Variants in POM121C observed in about 807,000 individuals in gnomAD.
POM121C encodes the protein nuclear envelope pore membrane protein POM 121C.
Under a neutral mutation model 66.4 loss-of-function variants are expected in POM121C, and 20 were observed. The ratio of observed to expected loss-of-function variants is 0.30; its 90% CI spans 0.21 to 0.44. The LOEUF (loss-of-function observed/expected upper bound fraction) is 0.44, where lower values mean the gene tolerates loss of function less well. POM121C is among the 20% of genes least tolerant of loss of function. The probability of loss-of-function intolerance (pLI) is 1.00; values close to 1 mark genes in which losing one functional copy is unlikely to be tolerated. For synonymous variants in POM121C, 286 were observed against 528.0 expected (o/e 0.54, Z 6.28); for missense variants, 580 against 1,225.7 (o/e 0.47, Z 7.87).
Position 75,416,801 on chromosome 7 carries a change from T to A in POM121C, c.*1995A>T. 1.3e-6 allele frequency: 2 copies of A among 1,504,866 alleles called. No individual in the cohort carries two copies. The highest frequency in any genetic ancestry group is 1.8e-6 in the Non-Finnish European group (2 of 1,126,388). The allele number at this position is 1,504,866 out of a possible 1,614,324, so 93.2% of individuals were successfully genotyped here. A position where few individuals can be genotyped will look rare whatever the true frequency, so the allele number is the denominator to read the frequency against. Reference sequence around the variant, plus strand: ...GAACGTACTCTACGATAGATCACAGTTTTTTATTCTTAATGTCACAAGCAG... The same window carrying A: ...GAACGTACTCTACGATAGATCACAGATTTTTATTCTTAATGTCACAAGCAG... On this transcript the variant is annotated 3_prime_UTR_variant, in exon 15 of 15. Transcript: ENST00000615331.
chr7:75,424,641 A>G lies in POM121C; in HGVS notation c.769-13T>C. On this transcript the variant is annotated splice_polypyrimidine_tract_variant and intron_variant, in intron 10 of 14. Coordinates refer to ENST00000615331, the MANE Select transcript of POM121C (RefSeq NM_001099415.3). ...GGGGAGGTGGAGGCTACCAAAGAGA[A>G]AAAGAAGAAGTCAGGCCAATCAGAA... 1.9e-6 allele frequency: 3 copies of G among 1,613,708 alleles called. No homozygotes were observed. Among genetic ancestry groups the G allele is most frequent in the Non-Finnish European group, 2.5e-6 (3 of 1,179,658 alleles).
intron 7 of POM121C, among the ~76,000 whole-genome samples, chr7:75,436,801 C>T (rs1286333423): frequency 7.9e-5 from 12 of 151,896 alleles, no homozygotes; most frequent in African/African-American, 2.9e-4. Context: ...TTTTCCTTTT[C>T]TTTGAGACAC....
Position 75,441,535 on chromosome 7 carries a change from A to G in POM121C, c.-39T>C. The G allele has an allele frequency of 3.1e-6, 5 of 1,613,768 alleles. No individual in the cohort carries two copies. The highest frequency in any genetic ancestry group is 4.2e-6 in the Non-Finnish European group (5 of 1,179,766). The stretch of plus-strand genomic sequence containing the variant: ...GGGGACAGCACAGCCTTCTTGTGAT[A>G]ACCATTCCAGCACACTGTGGGAAGT... On this transcript the variant is annotated 5_prime_UTR_variant, in exon 4 of 15. Coordinates refer to ENST00000615331, the MANE Select transcript of POM121C (RefSeq NM_001099415.3).
intron 3 of POM121C, among the ~76,000 whole-genome samples, chr7:75,467,045 C>A (rs1400097599): frequency 6.6e-6 from 1 of 152,178 alleles, no homozygotes. Context: ...AAATAATTCT[C>A]CAGGGCACAA....
At chr7:75,447,007 C>CAAAA (rs60389539) in intron 3 of POM121C, among the ~76,000 whole-genome samples, 22 of 53,532 alleles carry the variant, frequency 4.1e-4, no homozygotes, top group Non-Finnish European at 5.2e-4. Context: ...GACTCCGTCT[C>CAAAA]AAAAAAAAAA....
intron 3 of POM121C, among the ~76,000 whole-genome samples, chr7:75,454,794 GT>G (rs1443375582): frequency 6.6e-6 from 1 of 152,276 alleles, no homozygotes; most frequent in Admixed American, 6.5e-5. Context: ...CACACGGCAT[GT>G]CCCGACGCAG....
chr7:75,452,361 G>A (rs1791049069), intron 3 of POM121C, among the ~76,000 whole-genome samples: 1 of 152,126 alleles, frequency 6.6e-6, no homozygotes, highest in African/African-American at 2.4e-5. Context: ...TAGGGAGGAT[G>A]AGGCAGAAGA....
In POM121C at chr7:75,486,198, A is replaced by C. The variant is rs587678149; in HGVS notation, c.-792T>G. 3.7e-4 allele frequency: 110 copies of C among 298,212 alleles called. 1 individual carries two copies. Among genetic ancestry groups the C allele is most frequent in the Admixed American group, 2.0e-3 (39 of 19,700 alleles). 18.5% of individuals were successfully genotyped at this position (298,212 alleles called of 1,614,324 possible). A position where few individuals can be genotyped will look rare whatever the true frequency, so the allele number is the denominator to read the frequency against. ...CGCCTAGGTGCTGGTCCGGGCGGTC[A>C]GCATCCAGCCCCGCAGACTCGGTGA... On this transcript the variant is annotated 5_prime_UTR_variant, in exon 1 of 15. Transcript: ENST00000615331.
intron 3 of POM121C, among the ~76,000 whole-genome samples, chr7:75,448,162 G>A (rs1790891528): frequency 6.6e-6 from 1 of 152,040 alleles, no homozygotes; most frequent in African/African-American, 2.4e-5. Flanking sequence ...CCTTGAGCCT[G>A]GGAGGTCGAG....
At chr7:75,424,725 A>G in intron 10 of POM121C, 97 bp from the exon 11 acceptor site, 1 of 1,508,516 alleles carries the variant, frequency 6.6e-7, no homozygotes, top group East Asian at 2.3e-5. Flanking sequence ...CTGGGAGGCC[A>G]AGCCAGCTGG....
chr7:75,443,039 A>C (rs1413802360), intron 3 of POM121C, among the ~76,000 whole-genome samples: 1 of 152,134 alleles, frequency 6.6e-6, no homozygotes, highest in East Asian at 1.9e-4. Flanking sequence ...CTAATCCGTG[A>C]TCTTTTCTAG....
In POM121C at chr7:75,424,614, C is replaced by T; in HGVS notation, c.783G>A (p.Gln261=). 1 of 1,613,896 alleles carries T rather than the reference C, an allele frequency of 6.2e-7. No individual in the cohort carries two copies. The highest frequency in any genetic ancestry group is 8.5e-7 in the Non-Finnish European group (1 of 1,179,848). ...GEQLTLPPPP[Q]LGYSITAEDL... is the part of the protein sequence containing the mutation. ...CCTCGGCAGTGATCGAATAGCCAAG[C>T]TGGGGAGGTGGAGGCTACCAAAGAG... The change falls in exon 11 of 15, where the codon CAG becomes CAA. Residue 261 remains glutamine (Q), a synonymous_variant. Coordinates refer to ENST00000615331, the MANE Select transcript of POM121C (RefSeq NM_001099415.3).
Position 75,477,110 on chromosome 7 carries a change from T to TACACAAACACAC in POM121C, c.-457-1923_-457-1922insGTGTGTTTGTGT, listed in dbSNP as rs1554479485. Among the ~76,000 whole-genome samples, 5 of 140,684 alleles carry TACACAAACACAC rather than the reference T, an allele frequency of 3.6e-5. No individual in the cohort carries two copies. The South Asian group carries it at 7.1e-4, about 20-fold the overall frequency. 92.3% of individuals were successfully genotyped at this position (140,684 alleles called of 152,430 possible). A position where few individuals can be genotyped will look rare whatever the true frequency, so the allele number is the denominator to read the frequency against. On this transcript the variant is annotated intron_variant, in intron 1 of 14. Transcript: ENST00000615331. ...AGCACATATATACAGTTTGCGTGTATACACACACACACACACACACACACT... is the reference window on the plus strand; with the variant it reads ...AGCACATATATACAGTTTGCGTGTATACACAAACACACACACACACACACACACACACACACT...
Position 75,456,677 on chromosome 7 carries a change from G to A in POM121C, c.-151-15030C>T, listed in dbSNP as rs587644334. ...TGAGACACAATCAACATGCAAATGG[G>A]TAGGATGTTTCATCACACGGAAGCA... On this transcript the variant is annotated intron_variant, in intron 3 of 14. Coordinates refer to ENST00000615331, the MANE Select transcript of POM121C (RefSeq NM_001099415.3). Among the ~76,000 whole-genome samples the A allele has an allele frequency of 2.0e-4, 31 of 152,408 alleles. No homozygotes were observed. In the East Asian group the frequency reaches 5.8e-3, roughly 28 times the overall value.
At chr7:75,459,535 G>C (rs1791372842) in intron 3 of POM121C, among the ~76,000 whole-genome samples, 1 of 106,460 alleles carries the variant, frequency 9.4e-6, no homozygotes, top group Non-Finnish European at 1.9e-5. Context: ...GGGAGGTGGA[G>C]GTTGCAGTGA....
intron 3 of POM121C, among the ~76,000 whole-genome samples, chr7:75,463,441 G>A (rs1267924027): frequency 2.0e-5 from 3 of 150,946 alleles, no homozygotes; most frequent in African/African-American, 7.3e-5. Context: ...GGAAAGAGCT[G>A]GGTTTTTCTT....
At chr7:75,421,407 T>C in intron 13 of POM121C, 102 bp downstream of exon 13, 2 of 1,560,208 alleles carry the variant, frequency 1.3e-6, no homozygotes, top group Non-Finnish European at 1.7e-6. Flanking sequence ...ATTCAGTGCC[T>C]GTCTCTTCAC....
Position 75,424,097 on chromosome 7 carries a change from C to T in POM121C, c.1000G>A (p.Glu334Lys). The change falls in exon 12 of 15, where the codon GAG (glutamate) becomes AAG (lysine). Residue 334 changes from glutamate to lysine, a missense_variant. Physicochemically the swap from Glu to Lys is moderately conservative, Grantham distance 56. Coordinates refer to ENST00000615331, the MANE Select transcript of POM121C (RefSeq NM_001099415.3). The part of the protein sequence containing the change: ...LLAPSTNPLL[E>K]SLKKMQTPPS... ...GGAGTCTGCATCTTCTTCAAGCTCT[C>T]TAACAGTGGGTTGGTGCTTGGGGCC... 1 of 1,611,906 alleles carries T rather than the reference C, an allele frequency of 6.2e-7. No homozygotes were observed. Among genetic ancestry groups the T allele is most frequent in the East Asian group, 2.2e-5 (1 of 44,874 alleles).
chr7:75,471,397 C>T (rs1355044471), intron 3 of POM121C, among the ~76,000 whole-genome samples: 6 of 151,836 alleles, frequency 4.0e-5, no homozygotes, highest in South Asian at 4.2e-4. Flanking sequence ...TTAGTAGAGA[C>T]GGGTTGGCCA....
Sources: allele counts gnomAD v4.1 joint callset (sites outside exome capture counted in the v4.1 genomes callset), GRCh38; gene constraint gnomAD v4.1.1; transcripts MANE v1.5; gene names NCBI Gene and HGNC (gene_info 2026-07-23, HGNC 2026-07-21).